NYAP2: variants seen among roughly 807,000 people sequenced by gnomAD.
NYAP2 encodes neuronal tyrosine-phosphorylated phosphoinositide-3-kinase adapter 2.
A neutral mutation model predicts 50.4 loss-of-function variants in NYAP2; 23 were observed. The observed-to-expected ratio is 0.46, with a 90% CI of 0.33 to 0.65. The LOEUF (loss-of-function observed/expected upper bound fraction) is 0.65. NYAP2 is among the 30% of genes least tolerant of loss of function. NYAP2 has a pLI of 0.02. For missense variants in NYAP2, 885 were observed against 861.0 expected (o/e 1.03, Z -0.35); for synonymous variants, 394 against 365.2 (o/e 1.08, Z -0.90).
At chr2:225,636,670 G>A (rs565446809) in intron 6 of NYAP2, among the ~76,000 whole-genome samples, 2 of 152,238 alleles carry the variant, frequency 1.3e-5, no homozygotes, top group South Asian at 2.1e-4. Flanking sequence ...CTACCCTTGA[G>A]TCTTGCATTG....
chr2:225,517,275 T>C (rs1332180699), intron 4 of NYAP2, among the ~76,000 whole-genome samples: 1 of 152,162 alleles, frequency 6.6e-6, no homozygotes, highest in East Asian at 1.9e-4. Context: ...GTGTGGTTCC[T>C]GCTTATTTTG....
chr2:225,490,583 GA>G (rs1331336732), intron 3 of NYAP2, among the ~76,000 whole-genome samples: 1 of 152,120 alleles, frequency 6.6e-6, no homozygotes, highest in Non-Finnish European at 1.5e-5. Flanking sequence ...CTGGATGAGG[GA>G]AATGATAAGC....
At position 225,442,387 on chromosome 2, in the gene NYAP2, A is replaced by G. The variant is rs147335439; in HGVS notation, c.221+33286A>G. Reference sequence around the variant, plus strand: ...AGCCACCAAACAGTGAAGGCAAATCACCAAATATCTTATATTGCTACTTTG... The same window carrying G: ...AGCCACCAAACAGTGAAGGCAAATCGCCAAATATCTTATATTGCTACTTTG... On this transcript the variant is annotated intron_variant, in intron 3 of 6. Coordinates refer to ENST00000636099, the Ensembl canonical transcript of NYAP2. Among the ~76,000 whole-genome samples the G allele has an allele frequency of 1.8e-4, 27 of 152,288 alleles. No individual in the cohort carries two copies. The East Asian group carries it at 3.5e-3, about 20-fold the overall frequency.
chr2:225,647,756 A>G (rs575424760), intron 6 of NYAP2, among the ~76,000 whole-genome samples: 60 of 152,296 alleles, frequency 3.9e-4, no homozygotes, highest in African/African-American at 1.4e-3. Context: ...TGCAAATGCT[A>G]TCTAAGTGAT....
intron 4 of NYAP2, among the ~76,000 whole-genome samples, chr2:225,538,180 A>G (rs532988589): frequency 1.6e-4 from 25 of 152,238 alleles, no homozygotes; most frequent in African/African-American, 4.6e-4. Context: ...TGAATCTACC[A>G]TTCTGGAATC....
intron 3 of NYAP2, among the ~76,000 whole-genome samples, chr2:225,452,862 C>T (rs1396806532): frequency 6.6e-6 from 1 of 152,162 alleles, no homozygotes. Flanking sequence ...CTAAAATCTA[C>T]TTGTTAGCTT....
chr2:225,555,468 G>T (rs75551842), intron 4 of NYAP2, among the ~76,000 whole-genome samples: 2 of 152,170 alleles, frequency 1.3e-5, no homozygotes, highest in African/African-American at 4.8e-5. Flanking sequence ...ATAGTCTCAG[G>T]TTAATACATT....
intron 3 of NYAP2, among the ~76,000 whole-genome samples, chr2:225,459,085 A>G (rs979550093): frequency 3.3e-5 from 5 of 152,200 alleles, no homozygotes; most frequent in African/African-American, 1.2e-4. Context: ...AAATATTCAT[A>G]ATTACTTTCT....
At chr2:225,543,763 A>G (rs1245672281) in intron 4 of NYAP2, among the ~76,000 whole-genome samples, 1 of 152,080 alleles carries the variant, frequency 6.6e-6, no homozygotes, top group African/African-American at 2.4e-5. Context: ...TTCTATAAAT[A>G]TCTATGAGGT....
downstream of NYAP2, among the ~76,000 whole-genome samples, chr2:225,656,629 A>G (rs898251033): frequency 6.6e-6 from 1 of 152,288 alleles, no homozygotes; most frequent in Non-Finnish European, 1.5e-5. Flanking sequence ...ATGCATATCT[A>G]GAGTGTATTT....
At chr2:225,589,516 A>AAAAAATATAT (rs112700820) in intron 5 of NYAP2, among the ~76,000 whole-genome samples, 2 of 71,356 alleles carry the variant, frequency 2.8e-5, no homozygotes, top group South Asian at 5.3e-4. Flanking sequence ...CTAAAAGTAA[A>AAAAAATATAT]ATATATATAT....
intron 5 of NYAP2, among the ~76,000 whole-genome samples, chr2:225,607,871 A>T (rs886758148): frequency 6.6e-6 from 1 of 152,156 alleles, no homozygotes; most frequent in Non-Finnish European, 1.5e-5. Flanking sequence ...TTGCATGTTT[A>T]TGCACTATTT....
chr2:225,695,386 C>T, the NYAP2 span, among the ~76,000 whole-genome samples: 2 of 151,752 alleles, frequency 1.3e-5, no homozygotes, highest in South Asian at 4.2e-4. Flanking sequence ...AATATTGGGA[C>T]TTAAAGAAGT....
intron 5 of NYAP2, among the ~76,000 whole-genome samples, chr2:225,588,705 C>T (rs780577121): frequency 4.6e-5 from 7 of 152,108 alleles, no homozygotes; most frequent in Non-Finnish European, 5.9e-5. Flanking sequence ...TACTAATGTA[C>T]GCTGGCTGTC....
chr2:225,662,152 A>C, the NYAP2 span, among the ~76,000 whole-genome samples: 5 of 152,248 alleles, frequency 3.3e-5, no homozygotes, highest in Non-Finnish European at 5.9e-5. Context: ...GACAAATTCA[A>C]CTAGGACTTC....
At position 225,536,774 on chromosome 2, in the gene NYAP2, C is replaced by T. The variant is rs138708119; in HGVS notation, c.523+23102C>T. Among the ~76,000 whole-genome samples, 542 of 151,040 alleles carry T rather than the reference C, an allele frequency of 3.6e-3. 7 individuals carry two copies. Among genetic ancestry groups the T allele is most frequent in the Admixed American group, 0.031 (466 of 15,142 alleles). On this transcript the variant is annotated intron_variant, in intron 4 of 6. Coordinates refer to ENST00000636099, the Ensembl canonical transcript of NYAP2. ...AGGAGGTCTTATTCATTCTTTCTTT[C>T]TTTTTTCTTTCTTTTTTTTTTTGAG...
chr2:225,656,901 TCAAA>T (rs577489460), downstream of NYAP2, among the ~76,000 whole-genome samples: 163 of 152,268 alleles, frequency 1.1e-3, no homozygotes, highest in African/African-American at 3.8e-3. Context: ...AAATCTTTTC[TCAAA>T]CAATTTGATT....
chr2:225,695,691 C>T, the NYAP2 span, among the ~76,000 whole-genome samples: 1 of 151,776 alleles, frequency 6.6e-6, no homozygotes, highest in Non-Finnish European at 1.5e-5. Flanking sequence ...AATAGAGTTA[C>T]TGCATTTTTA....
intron 3 of NYAP2, among the ~76,000 whole-genome samples, chr2:225,489,493 C>T (rs986346529): frequency 3.3e-5 from 5 of 151,982 alleles, no homozygotes; most frequent in South Asian, 2.1e-4. Flanking sequence ...TCATCGTGCC[C>T]GGTCTCCCCT....
Sources: gnomAD v4.1 joint callset for allele counts (sites outside exome capture counted in the v4.1 genomes callset) on GRCh38, gnomAD v4.1.1 for gene constraint, MANE v1.5 for transcripts, NCBI Gene and HGNC (gene_info 2026-07-23, HGNC 2026-07-21) for gene names.